SEC14L2: variants seen among roughly 807,000 people sequenced by gnomAD.
SEC14L2 encodes the protein SEC14-like protein 2.
In SEC14L2, 50 loss-of-function variants were observed where a neutral mutation model predicts 56.9. The ratio of observed to expected loss-of-function variants is 0.88; its 90% CI spans 0.70 to 1.11. SEC14L2 has a LOEUF of 1.11. Ranked by LOEUF, SEC14L2 falls within the 50% of genes most tolerant of loss-of-function variation. SEC14L2 has a pLI of 0.00. For missense variants in SEC14L2, 414 were observed against 500.7 expected, an observed-to-expected ratio of 0.83 and a Z score of 1.65; for synonymous variants, 179 against 188.5, an observed-to-expected ratio of 0.95 and a Z score of 0.41.
At position 30,404,091 on chromosome 22, in the gene SEC14L2, T is replaced by C. The variant is rs535234944; in HGVS notation, c.131-2251T>C. Among the ~76,000 whole-genome samples, 7 of 149,126 alleles carry C rather than the reference T, an allele frequency of 4.7e-5. No individual in the cohort carries two copies. The South Asian group carries it at 1.5e-3, about 32-fold the overall frequency. On this transcript the variant is annotated intron_variant, in intron 2 of 11. Coordinates refer to ENST00000615189, the MANE Select transcript of SEC14L2 (RefSeq NM_012429.5). The stretch of plus-strand genomic sequence containing the variant: ...ATAGTGGTGTCCTTCCTATGGAAGA[T>C]TCTCATTTTCATGGCCCAACTCCCC...
chr22:30,407,375 A>G, intron 4 of SEC14L2, 40 bp from the exon 5 acceptor site: 1 of 1,600,636 alleles, frequency 6.2e-7, no homozygotes, highest in Non-Finnish European at 8.5e-7. Flanking sequence ...CAAGGTATGG[A>G]TGCCTGCTGA....
chr22:30,405,137 G>A (rs1010092100), intron 2 of SEC14L2, among the ~76,000 whole-genome samples: 1 of 152,062 alleles, frequency 6.6e-6, no homozygotes, highest in Middle Eastern at 3.4e-3. Flanking sequence ...GTGGCTCTTA[G>A]AGCACACTCT....
At chr22:30,407,751 T>G in intron 5 of SEC14L2, 148 bp downstream of exon 5, 1 of 679,288 alleles carries the variant, frequency 1.5e-6, no homozygotes, top group South Asian at 2.6e-5. Flanking sequence ...ACTTTTTTAG[T>G]AGAGACGGGG....
At chr22:30,402,075 C>T (rs1791827389) in intron 2 of SEC14L2, among the ~76,000 whole-genome samples, 1 of 152,118 alleles carries the variant, frequency 6.6e-6, no homozygotes, top group South Asian at 2.1e-4. Flanking sequence ...GTCACTTGCC[C>T]CTTTCCCCAA....
In SEC14L2 at chr22:30,407,443, T is replaced by C. The variant is rs1601776648; in HGVS notation, c.263T>C (p.Met88Thr). Residue 88 changes from methionine (M) to threonine (T), a missense_variant, in exon 5 of 12, where the codon ATG becomes ACG. Transcript: ENST00000615189. ...ATCCAACAGTATCTGTCAGGGGGTA[T>C]GTGTGGCTATGACCTGGATGGCTGC... is the stretch of plus-strand genomic sequence containing the variant. ...EVIQQYLSGGMCGYDLDGCPV... is the reference protein window; with the variant it reads ...EVIQQYLSGGTCGYDLDGCPV... 3 of 1,614,102 alleles carry C rather than the reference T, an allele frequency of 1.9e-6. No homozygotes were observed. The highest frequency in any genetic ancestry group is 1.7e-6 in the Non-Finnish European group (2 of 1,180,002).
At chr22:30,401,527 T>C (rs1195050971) in intron 2 of SEC14L2, among the ~76,000 whole-genome samples, 2 of 144,484 alleles carry the variant, frequency 1.4e-5, no homozygotes, top group Non-Finnish European at 3.0e-5. Context: ...ATTTTTATTT[T>C]TTTTGAGACA....
intron 5 of SEC14L2, 29 bp downstream of exon 5, chr22:30,407,632 G>A: frequency 6.2e-7 from 1 of 1,601,096 alleles, no homozygotes; most frequent in Non-Finnish European, 8.5e-7. Flanking sequence ...CTAGAAATGA[G>A]TTGACCACAG....
At chr22:30,402,304 T>C (rs576300755) in intron 2 of SEC14L2, among the ~76,000 whole-genome samples, 1 of 152,080 alleles carries the variant, frequency 6.6e-6, no homozygotes, top group Non-Finnish European at 1.5e-5. Flanking sequence ...GGAGCTGCTG[T>C]TGGGGGAGAA....
Position 30,422,511 on chromosome 22 carries a change from C to A in SEC14L2, c.*104C>A. The A allele has an allele frequency of 2.1e-6, 3 of 1,445,992 alleles. No homozygotes were observed. Among genetic ancestry groups the A allele is most frequent in the Admixed American group, 2.0e-5 (1 of 50,846 alleles). The allele number at this position is 1,445,992 out of a possible 1,614,324, so 89.6% of individuals were successfully genotyped here. A position where few individuals can be genotyped will look rare whatever the true frequency, so the allele number is the denominator to read the frequency against. ...AACCCTGAAGCCCAAAGAAACTGGGCTGGAGGACAGACCTCAGGAGCTTTC... is the reference window on the plus strand; with the variant it reads ...AACCCTGAAGCCCAAAGAAACTGGGATGGAGGACAGACCTCAGGAGCTTTC... On this transcript the variant is annotated 3_prime_UTR_variant, in exon 12 of 12. Coordinates refer to ENST00000615189, the MANE Select transcript of SEC14L2 (RefSeq NM_012429.5).
At position 30,425,201 on chromosome 22, in the gene SEC14L2, G is replaced by T. The variant is rs1045271835; in HGVS notation, c.*2794G>T. 2.9e-5 allele frequency: 6 copies of T among 205,968 alleles called. No homozygotes were observed. The highest frequency in any genetic ancestry group is 5.3e-5 in the Admixed American group (1 of 18,978). The allele number at this position is 205,968 out of a possible 1,614,324, so 12.8% of individuals were successfully genotyped here. A position where few individuals can be genotyped will look rare whatever the true frequency, so the allele number is the denominator to read the frequency against. On this transcript the variant is annotated 3_prime_UTR_variant, in exon 12 of 12. Coordinates refer to ENST00000615189, the MANE Select transcript of SEC14L2 (RefSeq NM_012429.5). ...CTCCATTTTCTCACCTGTAAAACGG[G>T]CTCCCAGGCTGGTGGGAGGGTTTCA...
At chr22:30,408,610 C>T (rs936587720) in intron 5 of SEC14L2, among the ~76,000 whole-genome samples, 1 of 152,152 alleles carries the variant, frequency 6.6e-6, no homozygotes, top group Admixed American at 6.6e-5. Context: ...AGCTGATTCC[C>T]TTACTGAGAA....
At chr22:30,415,002 C>T (rs1934349119) in intron 8 of SEC14L2, among the ~76,000 whole-genome samples, 1 of 152,210 alleles carries the variant, frequency 6.6e-6, no homozygotes, top group Non-Finnish European at 1.5e-5. Context: ...GGCCTTCCTG[C>T]CCGCCACACG....
intron 11 of SEC14L2, chr22:30,416,685 G>A: frequency 1.4e-6 from 2 of 1,415,898 alleles, no homozygotes; most frequent in Non-Finnish European, 9.2e-7. Flanking sequence ...CTGCTTTCTG[G>A]TCCAGGTCTA....
chr22:30,415,113 C>T (rs1273823877), intron 8 of SEC14L2, among the ~76,000 whole-genome samples: 7 of 152,028 alleles, frequency 4.6e-5, no homozygotes, highest in African/African-American at 9.7e-5. Context: ...ATACTCTTAA[C>T]GTGTATAAGG....
chr22:30,419,934 C>T (rs908646026), intron 11 of SEC14L2, among the ~76,000 whole-genome samples: 6 of 151,014 alleles, frequency 4.0e-5, no homozygotes, highest in African/African-American at 1.5e-4. Context: ...AATTATGTGC[C>T]TTTTTTTCTT....
intron 8 of SEC14L2, 56 bp from the exon 9 acceptor site, chr22:30,415,703 C>A: frequency 6.7e-7 from 1 of 1,501,578 alleles, no homozygotes; most frequent in Non-Finnish European, 9.2e-7. Flanking sequence ...AGGGTTATGG[C>A]GAAATCTTAC....
Position 30,422,299 on chromosome 22 carries a change from C to T in SEC14L2, c.1104C>T (p.Thr368=). 6.2e-7 allele frequency: 1 copy of T among 1,614,174 alleles called. No homozygotes were observed. Among genetic ancestry groups the T allele is most frequent in the Non-Finnish European group, 8.5e-7 (1 of 1,180,014 alleles). ...CAGATGTCCTGCGGTTTGACAACAC[C>T]TACAGCTTCATTCATGCCAAGAAGG... The part of the protein sequence containing the change: ...PGIYVLRFDN[T]YSFIHAKKVN... The change falls in exon 12 of 12, where the codon ACC becomes ACT. Residue 368 remains threonine, a synonymous_variant. Transcript: ENST00000615189.
chr22:30,416,367 G>A lies in SEC14L2; in HGVS notation c.1045G>A (p.Glu349Lys). The A allele has an allele frequency of 6.2e-7, 1 of 1,614,222 alleles. No individual in the cohort carries two copies. Among genetic ancestry groups the A allele is most frequent in the Non-Finnish European group, 8.5e-7 (1 of 1,180,036 alleles). ...GAGGTACAACTCCCACCTGGTCCCT[G>A]AAGATGGGACCCTCACCTGCAGTGA... ...NQRYNSHLVP[E>K]DGTLTCSDPG... Residue 349 changes from glutamate (E) to lysine (K), a missense_variant, in exon 11 of 12, where the codon GAA becomes AAA. By Grantham distance (56) the Glu-to-Lys change is moderately conservative. Transcript: ENST00000615189.
chr22:30,402,525 A>C (rs1374626039), intron 2 of SEC14L2, among the ~76,000 whole-genome samples: 1 of 152,116 alleles, frequency 6.6e-6, no homozygotes, highest in African/African-American at 2.4e-5. Flanking sequence ...GAGGGGACTT[A>C]CCTGAAGTTA....
Sources: allele counts gnomAD v4.1 joint callset (sites outside exome capture counted in the v4.1 genomes callset), GRCh38; gene constraint gnomAD v4.1.1; transcripts MANE v1.5; gene names NCBI Gene and HGNC (gene_info 2026-07-23, HGNC 2026-07-21).